LEO1: variants seen among roughly 807,000 people sequenced by gnomAD.
The protein encoded by LEO1 is RNA polymerase-associated protein LEO1.
A neutral mutation model predicts 80.4 loss-of-function variants in LEO1; 34 were observed. The ratio of observed to expected loss-of-function variants is 0.42; its 90% confidence interval spans 0.32 to 0.56. The LOEUF is 0.56. Ranked by LOEUF, LEO1 falls within the 20% of genes least tolerant of loss-of-function variation. The pLI is 0.10. For missense variants in LEO1, 631 were observed against 814.2 expected (o/e 0.77, Z 2.74); for synonymous variants, 262 against 274.9 (o/e 0.95, Z 0.46).
At chr15:51,942,688 G>A (rs764783491) in intron 11 of LEO1, among the ~76,000 whole-genome samples, 1 of 151,968 alleles carries the variant, frequency 6.6e-6, no homozygotes, top group African/African-American at 2.4e-5. Flanking sequence ...TTGAGAGGCC[G>A]AGGTGGGTGG....
rs768643374 is a variant in LEO1, at chr15:51,962,380, T to C, written c.919+9A>G. ...GGAAATATACATATATATATAATAA[T>C]AGGGATACCTTTTGGCACCTCAGTG... On this transcript the variant is annotated intron_variant, in intron 3 of 11. Coordinates refer to ENST00000299601, the MANE Select transcript of LEO1 (RefSeq NM_138792.4). The C allele has an allele frequency of 5.2e-5, 80 of 1,539,292 alleles. No homozygotes were observed. Among genetic ancestry groups the C allele is most frequent in the Non-Finnish European group, 7.1e-5 (79 of 1,115,700 alleles).
chr15:51,959,483 A>G (rs958257106), intron 5 of LEO1, among the ~76,000 whole-genome samples: 23 of 152,206 alleles, frequency 1.5e-4, no homozygotes, highest in Admixed American at 6.5e-5. Flanking sequence ...AAAGCACAAG[A>G]GCTCGAGTAA....
chr15:51,958,884 A>G (rs571765256), intron 5 of LEO1, 58 bp from the exon 6 acceptor site: 3 of 814,698 alleles, frequency 3.7e-6, no homozygotes, highest in African/African-American at 3.5e-5. Flanking sequence ...TATTACTGCT[A>G]TGTAATAACA....
intron 6 of LEO1, among the ~76,000 whole-genome samples, chr15:51,956,946 C>A (rs1566884721): frequency 6.6e-6 from 1 of 152,168 alleles, no homozygotes; most frequent in Non-Finnish European, 1.5e-5. Context: ...CCGCCTCAGC[C>A]TCCTGGAGTA....
chr15:51,945,148 G>C (rs750545372), intron 11 of LEO1, among the ~76,000 whole-genome samples: 1 of 151,750 alleles, frequency 6.6e-6, no homozygotes, highest in Non-Finnish European at 1.5e-5. Context: ...CCATCGCAGT[G>C]GCTTATGCCT....
chr15:51,953,694 C>T (rs151240412), intron 7 of LEO1, among the ~76,000 whole-genome samples: 175 of 151,622 alleles, frequency 1.2e-3, no homozygotes, highest in Non-Finnish European at 2.0e-3. Flanking sequence ...TTGGAAGGAA[C>T]GAAAATAAGA....
intron 11 of LEO1, among the ~76,000 whole-genome samples, chr15:51,944,783 TTTATA>T (rs2141745860): frequency 6.6e-6 from 1 of 152,258 alleles, no homozygotes; most frequent in African/African-American, 2.4e-5. Context: ...GTAATAAAAC[TTTATA>T]TTAATTTATA....
At chr15:51,963,247 G>A (rs989286531) in intron 2 of LEO1, among the ~76,000 whole-genome samples, 4 of 152,128 alleles carry the variant, frequency 2.6e-5, no homozygotes, top group African/African-American at 9.7e-5. Flanking sequence ...CTGCACTCCA[G>A]CCTGGGTGAC....
chr15:51,966,209 G>C lies in LEO1; in HGVS notation c.354C>G (p.Asp118Glu). 3 of 1,613,730 alleles carry C rather than the reference G, an allele frequency of 1.9e-6. No individual in the cohort carries two copies. The highest frequency in any genetic ancestry group is 2.5e-6 in the Non-Finnish European group (3 of 1,180,012). The stretch of plus-strand genomic sequence containing the variant: ...TCCCTCCATCCGATCTATGACCTTC[G>C]TCTTCATCATCATTAGGGGCTTCTG... ...SGSEAPNDDE[D>E]EGHRSDGGSH... The change falls in exon 2 of 12, where the codon GAC becomes GAG. Residue 118 changes from aspartate (D) to glutamate (E), a missense_variant. Physicochemically the swap from Asp to Glu is conservative, Grantham distance 45 (BLOSUM62 2). Coordinates refer to ENST00000299601, the MANE Select transcript of LEO1 (RefSeq NM_138792.4).
In LEO1 at chr15:51,971,763, GC is replaced by G; in HGVS notation, c.-19del. Reference sequence around the variant, plus strand: ...TCCGCCATTATCGCTCACGTCCGCTGCTGCCTCGGTTAGGGGCAGCTCCCGG... The same window carrying G: ...TCCGCCATTATCGCTCACGTCCGCTGTGCCTCGGTTAGGGGCAGCTCCCGG... On this transcript the variant is annotated 5_prime_UTR_variant, in exon 1 of 12. Transcript: ENST00000299601. The G allele has an allele frequency of 6.2e-7, 1 of 1,613,872 alleles. No homozygotes were observed. The highest frequency in any genetic ancestry group is 8.5e-7 in the Non-Finnish European group (1 of 1,179,802).
At chr15:51,954,308 G>C (rs1291526469) in intron 7 of LEO1, among the ~76,000 whole-genome samples, 173 bp downstream of exon 7, 1 of 151,966 alleles carries the variant, frequency 6.6e-6, no homozygotes, top group Non-Finnish European at 1.5e-5. Flanking sequence ...CTTAGGACTA[G>C]GAGTCTGAGG....
intron 11 of LEO1, among the ~76,000 whole-genome samples, chr15:51,940,560 CAAAA>C (rs879264590): frequency 8.4e-6 from 1 of 119,510 alleles, no homozygotes; most frequent in Admixed American, 8.6e-5. Flanking sequence ...GACTCCGTCT[CAAAA>C]AAAAAAAAAG....
chr15:51,946,518 A>G (rs1340804823), intron 11 of LEO1, among the ~76,000 whole-genome samples: 1 of 152,132 alleles, frequency 6.6e-6, no homozygotes, highest in Non-Finnish European at 1.5e-5. Flanking sequence ...CATCTAAATA[A>G]AAAGAAAATA....
At position 51,938,170 on chromosome 15, in the gene LEO1, C is replaced by G; in HGVS notation, c.1987G>C (p.Glu663Gln). The change falls in exon 12 of 12, where the codon GAA becomes CAA. Residue 663 changes from glutamate to glutamine, a missense_variant. By Grantham distance (29) the Glu-to-Gln change is conservative (BLOSUM62 2). Coordinates refer to ENST00000299601, the MANE Select transcript of LEO1 (RefSeq NM_138792.4). ...KKYVISDEEE[E>Q]DDD ...TATTTCATACTTCAATCATCATCTT[C>G]TTCCTCTTCATCGCTGATCACATAC... The G allele has an allele frequency of 1.9e-6, 3 of 1,567,740 alleles. No individual in the cohort carries two copies. The highest frequency in any genetic ancestry group is 2.6e-6 in the Non-Finnish European group (3 of 1,140,300).
At chr15:51,947,738 A>T (rs1221812338) in intron 10 of LEO1, among the ~76,000 whole-genome samples, 1 of 152,222 alleles carries the variant, frequency 6.6e-6, no homozygotes. Context: ...AGTAACTTTC[A>T]AAGACAGTGA....
rs965523360 is a variant in LEO1, at chr15:51,953,326, C to G, written c.1341-63G>C. 11 of 1,565,372 alleles carry G rather than the reference C, an allele frequency of 7.0e-6. No individual in the cohort carries two copies. The Admixed American group carries it at 1.6e-4, about 22-fold the overall frequency. ...GCTTTCACTCTACCATCTTACTTCACTTAAAGGTGATTCAGGCTGGGCACA... is the reference window on the plus strand; with the variant it reads ...GCTTTCACTCTACCATCTTACTTCAGTTAAAGGTGATTCAGGCTGGGCACA... On this transcript the variant is annotated intron_variant, in intron 7 of 11. Coordinates refer to ENST00000299601, the MANE Select transcript of LEO1 (RefSeq NM_138792.4).
intron 11 of LEO1, among the ~76,000 whole-genome samples, chr15:51,942,327 G>A (rs1325067010): frequency 6.6e-6 from 1 of 152,108 alleles, no homozygotes; most frequent in Non-Finnish European, 1.5e-5. Context: ...TCCTGTAACA[G>A]CTAGGTGGCC....
At chr15:51,944,529 T>A (rs1162507652) in intron 11 of LEO1, among the ~76,000 whole-genome samples, 1 of 152,126 alleles carries the variant, frequency 6.6e-6, no homozygotes, top group African/African-American at 2.4e-5. Flanking sequence ...TAAGAATTTT[T>A]AAAAAATTAT....
At chr15:51,960,600 G>A in intron 4 of LEO1, 39 bp downstream of exon 4, 4 of 1,122,380 alleles carry the variant, frequency 3.6e-6, no homozygotes, top group Non-Finnish European at 5.5e-6. Flanking sequence ...GAAACTTTAT[G>A]CCTGGCCTTG....
Sources: allele counts gnomAD v4.1 joint callset (sites outside exome capture counted in the v4.1 genomes callset), GRCh38; gene constraint gnomAD v4.1.1; transcripts MANE v1.5; gene names NCBI Gene and HGNC (gene_info 2026-07-23, HGNC 2026-07-21).